The following ATAD3B variants were observed in gnomAD, a reference collection of about 807,000 sequenced individuals.
The protein encoded by ATAD3B is ATPase family AAA domain containing 3B.
A neutral mutation model predicts 70.2 loss-of-function variants in ATAD3B; 59 were observed. The ratio of observed to expected loss-of-function variants is 0.84; its 90% CI spans 0.68 to 1.04. The LOEUF is 1.04. Ranked by LOEUF, ATAD3B falls within the 50% of genes least tolerant of loss-of-function variation. The pLI, the probability that ATAD3B is intolerant of heterozygous loss-of-function variation, is 0.00. For missense variants in ATAD3B, 961 were observed against 913.4 expected, an observed-to-expected ratio of 1.05 and a Z score of -0.67; for synonymous variants, 423 against 388.6, an observed-to-expected ratio of 1.09 and a Z score of -1.04.
chr1:1,496,525 C>T lies in ATAD3B; in HGVS notation c.*708C>T, dbSNP rs1054423822. 2.0e-5 allele frequency: 3 copies of T among 152,220 alleles called. No homozygotes were observed. Among genetic ancestry groups the T allele is most frequent in the Admixed American group, 2.0e-4 (3 of 15,236 alleles). 9.4% of individuals were successfully genotyped at this position (152,220 alleles called of 1,614,324 possible). A position where few individuals can be genotyped will look rare whatever the true frequency, so the allele number is the denominator to read the frequency against. ...AGGTGTAAGAGGGCACGCTTCTGCC[C>T]AGGCATCGTCCATGGAAGACACGCA... is the stretch of plus-strand genomic sequence containing the variant. On this transcript the variant is annotated 3_prime_UTR_variant, in exon 16 of 16. Transcript: ENST00000673477.
chr1:1,478,420 C>T (rs542720956), intron 2 of ATAD3B: 89 of 1,509,966 alleles, frequency 5.9e-5, no homozygotes, highest in Non-Finnish European at 7.0e-5. Context: ...CCTCCCTCCC[C>T]GGGGGCCTTC....
Position 1,485,144 on chromosome 1 carries a change from GCT to G in ATAD3B, c.880_881del (p.Leu294GlyfsTer27). ...LVRETSRITVLEALRHPIQVS... is the reference protein window; with the variant it reads ...LVRETSRITVXEALRHPIQVS... ...TGAGGGAGACGTCCCGCATCACGGTGCTGGAGGCGCTGCGGCACCCCATCCAG... is the reference window on the plus strand; with the variant it reads ...TGAGGGAGACGTCCCGCATCACGGTGGGAGGCGCTGCGGCACCCCATCCAG... On this transcript the variant is annotated frameshift_variant, in exon 8 of 16. Coordinates refer to ENST00000673477, the MANE Select transcript of ATAD3B (RefSeq NM_031921.6). LOFTEE classifies it high-confidence loss of function. 1 of 1,610,430 alleles carries G rather than the reference GCT, an allele frequency of 6.2e-7. No homozygotes were observed.
rs819970 is a variant in ATAD3B, at chr1:1,482,316, C to G, written c.680+13C>G. 0.73 allele frequency: 1,106,315 copies of G among 1,508,962 alleles called. 424,682 individuals carry two copies. The highest frequency in any genetic ancestry group is 1 in the East Asian group (43,810 of 43,836). The allele number at this position is 1,508,962 out of a possible 1,614,324, so 93.5% of individuals were successfully genotyped here. On this transcript the variant is annotated intron_variant, in intron 6 of 15. Transcript: ENST00000673477. The stretch of plus-strand genomic sequence containing the variant: ...TGGAGTCCATCAGGTGAGCACTGCC[C>G]AGGCCCGGGCCGGCCACAGATGGAG...
At position 1,486,044 on chromosome 1, in the gene ATAD3B, A is replaced by G. The variant is rs1326029546; in HGVS notation, c.964-66A>G. 3.1e-6 allele frequency: 5 copies of G among 1,609,580 alleles called. 1 individual carries two copies. The highest frequency in any genetic ancestry group is 2.7e-5 in the African/African-American group (2 of 74,736). ...AGAGTCCGCACCCGGGCATTCCCGC[A>G]GCCCCTGTCACCGAGGCTTCCGTGG... On this transcript the variant is annotated intron_variant, in intron 9 of 15. Coordinates refer to ENST00000673477, the MANE Select transcript of ATAD3B (RefSeq NM_031921.6).
intron 11 of ATAD3B, among the ~76,000 whole-genome samples, chr1:1,487,182 C>G (rs1211976995): frequency 1.3e-5 from 2 of 148,424 alleles, no homozygotes; most frequent in Non-Finnish European, 3.0e-5. Flanking sequence ...TGGCCTTTGA[C>G]CTTTCACTTT....
downstream of ATAD3B, among the ~76,000 whole-genome samples, chr1:1,501,145 A>C (rs530683059): frequency 6.6e-6 from 1 of 151,494 alleles, no homozygotes; most frequent in South Asian, 2.1e-4. Flanking sequence ...CTGGAGTGCA[A>C]TGGCGTGATC....
intron 7 of ATAD3B, 138 bp downstream of exon 7, chr1:1,482,752 C>A: frequency 7.1e-7 from 1 of 1,403,022 alleles, no homozygotes; most frequent in Non-Finnish European, 9.8e-7. Flanking sequence ...CACGTTGTAC[C>A]TGCTGGGCTC....
In ATAD3B at chr1:1,490,490, C is replaced by T. The variant is rs775132001; in HGVS notation, c.1505+66C>T. 3 of 1,611,074 alleles carry T rather than the reference C, an allele frequency of 1.9e-6. No homozygotes were observed. In the African/African-American group the frequency reaches 4.0e-5, roughly 22 times the overall value. ...TATGGCATGGGTGTAGGCCAGCTGC[C>T]TGTCTTCCGGCCTCCACCTCATGGT... On this transcript the variant is annotated intron_variant, in intron 14 of 15. Coordinates refer to ENST00000673477, the MANE Select transcript of ATAD3B (RefSeq NM_031921.6).
chr1:1,494,810 C>T (rs1218294116), intron 15 of ATAD3B, among the ~76,000 whole-genome samples: 6 of 152,050 alleles, frequency 3.9e-5, no homozygotes, highest in Admixed American at 6.6e-5. Context: ...CTCCTGAGCA[C>T]GGCACCTAGT....
At chr1:1,500,767 CAG>C (rs1286972955), downstream of ATAD3B, among the ~76,000 whole-genome samples, 5 of 151,050 alleles carry the variant, frequency 3.3e-5, no homozygotes, top group East Asian at 2.0e-4. Flanking sequence ...TCCTGGCTAA[CAG>C]GGTGAAACCC....
intron 12 of ATAD3B, 44 bp downstream of exon 12, chr1:1,487,958 G>C (rs747101957): frequency 3.7e-6 from 6 of 1,609,170 alleles, no homozygotes; most frequent in South Asian, 1.1e-5. Flanking sequence ...AGGGTGGTCG[G>C]GTGGGCGCGG....
intron 15 of ATAD3B, among the ~76,000 whole-genome samples, chr1:1,491,526 T>A (rs1282009396): frequency 2.0e-5 from 3 of 151,558 alleles, no homozygotes; most frequent in African/African-American, 7.3e-5. Context: ...TGAGACTCCA[T>A]CTCAAAATAA....
intron 15 of ATAD3B, among the ~76,000 whole-genome samples, chr1:1,494,768 T>G (rs1361549325): frequency 1.3e-5 from 2 of 150,822 alleles, no homozygotes; most frequent in African/African-American, 5.0e-5. Flanking sequence ...AAGGGTCCCC[T>G]GCCCTGTGCT....
At chr1:1,472,171 C>G in intron 1 of ATAD3B, 82 bp downstream of exon 1, 3 of 1,357,890 alleles carry the variant, frequency 2.2e-6, no homozygotes. Flanking sequence ...TGCCGCTCCT[C>G]GCTGCTGTCG....
chr1:1,487,966 C>G (rs556891481), intron 12 of ATAD3B, 52 bp downstream of exon 12: 31 of 1,604,888 alleles, frequency 1.9e-5, no homozygotes, highest in African/African-American at 8.0e-5. Context: ...CGGGTGGGCG[C>G]GGCTGTCATC....
intron 15 of ATAD3B, among the ~76,000 whole-genome samples, chr1:1,494,207 G>A (rs1036278923): frequency 2.7e-5 from 4 of 148,280 alleles, no homozygotes; most frequent in Admixed American, 6.7e-5. Context: ...AGGAGGCCAC[G>A]TGACATTTAG....
chr1:1,500,709 T>A (rs1204825939), downstream of ATAD3B, among the ~76,000 whole-genome samples: 1 of 151,362 alleles, frequency 6.6e-6, no homozygotes, highest in Non-Finnish European at 1.5e-5. Context: ...ATCCCAGCAC[T>A]TTGGGAGGCC....
At chr1:1,493,691 G>C (rs541005115) in intron 15 of ATAD3B, among the ~76,000 whole-genome samples, 2 of 151,722 alleles carry the variant, frequency 1.3e-5, no homozygotes, top group East Asian at 3.9e-4. Flanking sequence ...AGATGAGAGG[G>C]TCATGTGGTT....
In ATAD3B at chr1:1,495,676, C is replaced by T. The variant is rs766735771; in HGVS notation, c.1806C>T (p.Pro602=). 2.4e-5 allele frequency: 39 copies of T among 1,612,864 alleles called. 1 individual carries two copies. The East Asian group carries it at 3.6e-4, about 15-fold the overall frequency. Residue 602 remains proline (P), a synonymous_variant, in exon 16 of 16, where the codon CCC becomes CCT. Coordinates refer to ENST00000673477, the MANE Select transcript of ATAD3B (RefSeq NM_031921.6). Reference sequence around the variant, plus strand: ...CCTCATGGAGCCTGGCCACGGACCCCTCCTACCCCTGCCTTGCCGGCCCCT... The same window carrying T: ...CCTCATGGAGCCTGGCCACGGACCCTTCCTACCCCTGCCTTGCCGGCCCCT... ...TLTSWSLATD[P]SYPCLAGPCT... is the part of the protein sequence containing the mutation.
Sources: allele counts gnomAD v4.1 joint callset (sites outside exome capture counted in the v4.1 genomes callset), GRCh38; gene constraint gnomAD v4.1.1; transcripts MANE v1.5; gene names NCBI Gene and HGNC (gene_info 2026-07-23, HGNC 2026-07-21).